Variants in PCDHA1 observed in about 807,000 individuals in gnomAD.
PCDHA1 encodes the protein protocadherin alpha-1.
A neutral mutation model predicts 61.3 loss-of-function variants in PCDHA1; 42 were observed. The ratio of observed to expected loss-of-function variants is 0.69; its 90% CI spans 0.54 to 0.89. The LOEUF is 0.89. PCDHA1 is among the 40% of genes least tolerant of loss of function. The probability of loss-of-function intolerance (pLI) is 0.00; values close to 1 mark genes in which losing one functional copy is unlikely to be tolerated. For missense variants in PCDHA1, 1,256 were observed against 1,235.3 expected (o/e 1.02, Z -0.25); for synonymous variants, 610 against 553.8 (o/e 1.10, Z -1.43).
At chr5:140,995,060 A>C (rs1424126097) in intron 3 of PCDHA1, among the ~76,000 whole-genome samples, 2 of 152,204 alleles carry the variant, frequency 1.3e-5, no homozygotes, top group African/African-American at 2.4e-5. Context: ...AATTTTCAAA[A>C]ATCAACCTAC....
chr5:140,807,591 C>G (rs1482430512), intron 1 of PCDHA1: 2 of 1,614,028 alleles, frequency 1.2e-6, no homozygotes, highest in South Asian at 1.1e-5. Flanking sequence ...GTGTTCCCAG[C>G]AACACAAAAG....
chr5:140,925,069 C>T (rs1240618705), intron 1 of PCDHA1, among the ~76,000 whole-genome samples: 1 of 149,418 alleles, frequency 6.7e-6, no homozygotes, highest in Non-Finnish European at 1.5e-5. Context: ...AACAAAGCAA[C>T]ACGCTCATCT....
At chr5:140,917,211 C>T (rs938458701) in intron 1 of PCDHA1, among the ~76,000 whole-genome samples, 3 of 151,636 alleles carry the variant, frequency 2.0e-5, no homozygotes, top group Non-Finnish European at 2.9e-5. Context: ...TTCAATGCCT[C>T]TTTTAGTGAT....
chr5:141,000,418 T>C (rs2097923101), intron 3 of PCDHA1, among the ~76,000 whole-genome samples: 1 of 83,682 alleles, frequency 1.2e-5, no homozygotes, highest in Admixed American at 1.7e-4. Flanking sequence ...TATATATATA[T>C]ATATTTTTTT....
intron 1 of PCDHA1, chr5:140,830,234 CT>C (rs2150183232): frequency 6.2e-7 from 1 of 1,613,834 alleles, no homozygotes; most frequent in Non-Finnish European, 8.5e-7. Flanking sequence ...GGTCCTCACG[CT>C]ACTGCTGTAC....
intron 1 of PCDHA1, chr5:140,827,873 T>TA (rs1769435711): frequency 4.7e-6 from 3 of 637,520 alleles, no homozygotes; most frequent in South Asian, 4.0e-5. Flanking sequence ...ATAGCACTGT[T>TA]ACGTGAATTG....
chr5:140,869,005 G>C, intron 1 of PCDHA1: 1 of 1,521,546 alleles, frequency 6.6e-7, no homozygotes, highest in Non-Finnish European at 8.8e-7. Context: ...AGGATCCTTT[G>C]AAACTTCTTA....
chr5:140,832,320 C>T (rs1189533156), intron 1 of PCDHA1, among the ~76,000 whole-genome samples: 1 of 152,296 alleles, frequency 6.6e-6, no homozygotes, highest in East Asian at 1.9e-4. Context: ...TGCTTAAGGG[C>T]CATTAGAGGA....
chr5:140,880,800 T>A (rs1453041032), intron 1 of PCDHA1, among the ~76,000 whole-genome samples: 1 of 152,130 alleles, frequency 6.6e-6, no homozygotes, highest in Admixed American at 6.6e-5. Context: ...TATAAATAGG[T>A]GAATGACTCT....
intron 1 of PCDHA1, among the ~76,000 whole-genome samples, chr5:140,960,014 A>G (rs1380089859): frequency 6.6e-6 from 1 of 152,222 alleles, no homozygotes; most frequent in Non-Finnish European, 1.5e-5. Flanking sequence ...ATTTTGCATC[A>G]TGATTTTGTT....
intron 1 of PCDHA1, among the ~76,000 whole-genome samples, chr5:140,916,262 G>A: frequency 6.6e-6 from 1 of 152,202 alleles, no homozygotes; most frequent in East Asian, 1.9e-4. Flanking sequence ...GACCCCAAGA[G>A]CATGCTTGTT....
At position 140,849,787 on chromosome 5, in the gene PCDHA1, G is replaced by T. The variant is rs1421161535; in HGVS notation, c.2394+61103G>T. 3 of 1,598,342 alleles carry T rather than the reference G, an allele frequency of 1.9e-6. 1 individual carries two copies. In the African/African-American group the frequency reaches 4.0e-5, roughly 21 times the overall value. On this transcript the variant is annotated intron_variant, in intron 1 of 3. Transcript: ENST00000504120. Reference sequence around the variant, plus strand: ...CTGGTGGTTACCGCGCGGGACGGGGGCTCGCCTTCACTGTGGGCCACGGCC... The same window carrying T: ...CTGGTGGTTACCGCGCGGGACGGGGTCTCGCCTTCACTGTGGGCCACGGCC...
chr5:140,856,041 A>T lies in PCDHA1; in HGVS notation c.2394+67357A>T, dbSNP rs797043647. Reference sequence around the variant, plus strand: ...ATTCGTCGATTTGTAAAACAAGAGAAGGATAAGATGGTTTCCAGATGTAGC... The same window carrying T: ...ATTCGTCGATTTGTAAAACAAGAGATGGATAAGATGGTTTCCAGATGTAGC... On this transcript the variant is annotated intron_variant, in intron 1 of 3. Coordinates refer to ENST00000504120, the MANE Select transcript of PCDHA1 (RefSeq NM_018900.4). 1.9e-6 allele frequency: 3 copies of T among 1,569,530 alleles called. No individual in the cohort carries two copies. The African/African-American group carries it at 4.1e-5, about 21-fold the overall frequency.
At chr5:140,900,013 T>A (rs1351991303) in intron 1 of PCDHA1, among the ~76,000 whole-genome samples, 1 of 152,062 alleles carries the variant, frequency 6.6e-6, no homozygotes, top group Admixed American at 6.6e-5. Flanking sequence ...TCTCACTTTG[T>A]TACCCAGTTT....
chr5:140,933,372 C>T (rs1332069734), intron 1 of PCDHA1, among the ~76,000 whole-genome samples: 2 of 151,918 alleles, frequency 1.3e-5, no homozygotes, highest in African/African-American at 2.4e-5. Flanking sequence ...TCCCAAATTC[C>T]TTGGCTGTTC....
intron 1 of PCDHA1, chr5:140,876,169 C>T (rs782706242): frequency 3.1e-6 from 5 of 1,613,798 alleles, no homozygotes; most frequent in Non-Finnish European, 4.2e-6. Context: ...AATAACCGTC[C>T]TGGATGTGAA....
In PCDHA1 at chr5:140,851,512, GT is replaced by G. The variant is rs1354131042; in HGVS notation, c.2394+62832del. On this transcript the variant is annotated intron_variant, in intron 1 of 3. Coordinates refer to ENST00000504120, the MANE Select transcript of PCDHA1 (RefSeq NM_018900.4). ...CTTCATTTCAACTTATATAAAATAT[GT>G]TTTAAAATGCCTGACAATGTAGATA... The G allele has an allele frequency of 1.0e-5, 9 of 903,444 alleles. 1 individual carries two copies. The highest frequency in any genetic ancestry group is 1.8e-5 in the African/African-American group (1 of 55,438). 56.0% of individuals were successfully genotyped at this position (903,444 alleles called of 1,614,324 possible). A position where few individuals can be genotyped will look rare whatever the true frequency, so the allele number is the denominator to read the frequency against.
At chr5:140,896,346 G>A (rs1466880160) in intron 1 of PCDHA1, among the ~76,000 whole-genome samples, 17 of 151,992 alleles carry the variant, frequency 1.1e-4, no homozygotes, top group African/African-American at 3.4e-4. Flanking sequence ...TTATATTCCC[G>A]CCAGCAGTGT....
At position 140,858,352 on chromosome 5, in the gene PCDHA1, G is replaced by T; in HGVS notation, c.2394+69668G>T. On this transcript the variant is annotated intron_variant, in intron 1 of 3. Coordinates refer to ENST00000504120, the MANE Select transcript of PCDHA1 (RefSeq NM_018900.4). ...AGGGCCTGCCCAAGGCGGACCTCATGGCCTTCAGCCCCAGCCTTCCACCAT... is the reference window on the plus strand; with the variant it reads ...AGGGCCTGCCCAAGGCGGACCTCATTGCCTTCAGCCCCAGCCTTCCACCAT... 1.3e-6 allele frequency: 2 copies of T among 1,593,948 alleles called. 1 individual carries two copies. Among genetic ancestry groups the T allele is most frequent in the Non-Finnish European group, 1.7e-6 (2 of 1,165,108 alleles).
Sources: gnomAD v4.1 joint callset for allele counts (sites outside exome capture counted in the v4.1 genomes callset) on GRCh38, gnomAD v4.1.1 for gene constraint, MANE v1.5 for transcripts, NCBI Gene and HGNC (gene_info 2026-07-23, HGNC 2026-07-21) for gene names.